The following LRBA variants were observed in gnomAD, a reference collection of about 807,000 sequenced individuals.
The protein encoded by LRBA is lipopolysaccharide-responsive and beige-like anchor protein.
LRBA carries 176 observed loss-of-function variants against 330.0 expected under a neutral mutation model. The ratio of observed to expected loss-of-function variants is 0.53; its 90% confidence interval spans 0.47 to 0.60. The LOEUF is 0.60. Among genes scored for constraint, LRBA ranks in the 20% least tolerant of loss-of-function variants. The pLI is 0.00. For missense variants in LRBA, 3,259 were observed against 3,444.8 expected (o/e 0.95, Z 1.35); for synonymous variants, 1,230 against 1,193.0 (o/e 1.03, Z -0.64).
At chr4:150,733,933 CA>C (rs1222737852) in intron 36 of LRBA, among the ~76,000 whole-genome samples, 1 of 152,136 alleles carries the variant, frequency 6.6e-6, no homozygotes, top group African/African-American at 2.4e-5. Context: ...TAGACCACAG[CA>C]TTAGAAATTT....
intron 40 of LRBA, among the ~76,000 whole-genome samples, chr4:150,496,333 T>C (rs1367574481): frequency 2.0e-5 from 3 of 152,118 alleles, no homozygotes; most frequent in Non-Finnish European, 4.4e-5. Flanking sequence ...TAAAACTCTT[T>C]TTTGTTTTCT....
intron 48 of LRBA, among the ~76,000 whole-genome samples, chr4:150,346,048 T>A (rs1197613044): frequency 4.6e-5 from 7 of 152,138 alleles, no homozygotes; most frequent in Non-Finnish European, 1.0e-4. Context: ...ACTCAAGTGA[T>A]CCTCCTGCCG....
At position 150,831,822 on chromosome 4, in the gene LRBA, A is replaced by G. The variant is rs1246708256; in HGVS notation, c.4724T>C (p.Leu1575Pro). The change falls in exon 29 of 57, where the codon CTC becomes CCC. Residue 1575 changes from leucine (L) to proline (P), a missense_variant. Physicochemically the swap from Leu to Pro is moderately conservative, Grantham distance 98 (BLOSUM62 -3). Transcript: ENST00000651943. ...ETGSENENVS[L>P]SEITPAAFST... is the part of the protein sequence containing the mutation. Reference sequence around the variant, plus strand: ...AATAGAAAATGCAAACTTACCAGAGAGTGATACATTCTCATTTTCACTGCC... The same window carrying G: ...AATAGAAAATGCAAACTTACCAGAGGGTGATACATTCTCATTTTCACTGCC... 6.3e-7 allele frequency: 1 copy of G among 1,590,552 alleles called. No individual in the cohort carries two copies. Among genetic ancestry groups the G allele is most frequent in the Non-Finnish European group, 8.6e-7 (1 of 1,169,032 alleles).
At chr4:150,500,578 CTAAATAAA>C (rs200941206) in intron 40 of LRBA, among the ~76,000 whole-genome samples, 1 of 151,742 alleles carries the variant, frequency 6.6e-6, no homozygotes, top group Non-Finnish European at 1.5e-5. Flanking sequence ...GACTCTGTCT[CTAAATAAA>C]TAAATAAATA....
Position 150,872,731 on chromosome 4 carries a change from C to T in LRBA, c.2190G>A (p.Ser730=), listed in dbSNP as rs770069535. 1.4e-5 allele frequency: 23 copies of T among 1,603,314 alleles called. No homozygotes were observed. Among genetic ancestry groups the T allele is most frequent in the Middle Eastern group, 3.3e-4 (2 of 6,050 alleles). The change falls in exon 18 of 57, where the codon TCG becomes TCA. Residue 730 remains serine, a synonymous_variant. Transcript: ENST00000651943. The part of the protein sequence containing the change: ...GLRVIYKLLA[S]KSEGIRVQAL... ...CTTGTACCCTGATTCCTTCACTTTT[C>T]GATGCCAGAAGTTTGTAGATAACAC...
chr4:150,787,365 A>G (rs1438136263), intron 34 of LRBA, among the ~76,000 whole-genome samples: 4 of 152,218 alleles, frequency 2.6e-5, no homozygotes, highest in African/African-American at 9.6e-5. Context: ...TTAGAATTAT[A>G]TGTGGATCGT....
At chr4:150,854,394 A>G (rs1750975031) in intron 22 of LRBA, among the ~76,000 whole-genome samples, 1 of 152,236 alleles carries the variant, frequency 6.6e-6, no homozygotes, top group Non-Finnish European at 1.5e-5. Flanking sequence ...TTTATTTGAC[A>G]TGGGTTCTGT....
At chr4:150,970,258 G>C (rs11946986) in intron 2 of LRBA, among the ~76,000 whole-genome samples, 5 of 151,984 alleles carry the variant, frequency 3.3e-5, no homozygotes, top group Non-Finnish European at 7.4e-5. Flanking sequence ...CCAGCACTTA[G>C]GGAGGCTGAG....
At chr4:150,953,319 A>G (rs1299117715) in intron 2 of LRBA, among the ~76,000 whole-genome samples, 1 of 151,846 alleles carries the variant, frequency 6.6e-6, no homozygotes. Flanking sequence ...CATCCATAAA[A>G]CAAATCTCAA....
intron 9 of LRBA, among the ~76,000 whole-genome samples, chr4:150,910,398 T>C (rs1050802226): frequency 2.0e-5 from 3 of 152,114 alleles, no homozygotes; most frequent in Non-Finnish European, 2.9e-5. Flanking sequence ...GGATATCCAG[T>C]TTTCCCAACA....
intron 46 of LRBA, among the ~76,000 whole-genome samples, chr4:150,428,161 A>G (rs1326875536): frequency 6.6e-6 from 1 of 152,056 alleles, no homozygotes; most frequent in African/African-American, 2.4e-5. Flanking sequence ...TTATTTTTAA[A>G]ATAATATTTA....
chr4:151,000,300 T>A (rs1439604344), intron 2 of LRBA, among the ~76,000 whole-genome samples: 1 of 152,212 alleles, frequency 6.6e-6, no homozygotes, highest in Non-Finnish European at 1.5e-5. Context: ...TCAAGGAGCA[T>A]CTGTGTAATT....
intron 31 of LRBA, among the ~76,000 whole-genome samples, chr4:150,813,026 A>G (rs1448709843): frequency 6.6e-6 from 1 of 152,046 alleles, no homozygotes. Context: ...GAATGGTGAC[A>G]CACACCTGTA....
intron 37 of LRBA, among the ~76,000 whole-genome samples, chr4:150,612,985 G>A (rs1775421906): frequency 1.3e-5 from 2 of 152,104 alleles, no homozygotes; most frequent in African/African-American, 4.8e-5. Context: ...GACATTTTAG[G>A]CTTTTAGGAG....
intron 53 of LRBA, among the ~76,000 whole-genome samples, chr4:150,294,213 T>C (rs1728687497): frequency 2.0e-5 from 3 of 152,200 alleles, no homozygotes; most frequent in Admixed American, 6.5e-5. Context: ...AAATGTATAT[T>C]TGAAAAATAC....
chr4:150,878,855 T>C (rs1728048576), intron 17 of LRBA, among the ~76,000 whole-genome samples: 1 of 150,266 alleles, frequency 6.7e-6, no homozygotes, highest in Admixed American at 6.6e-5. Flanking sequence ...ATTTTTCTGG[T>C]CCAGGAATTT....
chr4:150,442,213 C>T (rs1304785368), intron 44 of LRBA, among the ~76,000 whole-genome samples: 4 of 152,086 alleles, frequency 2.6e-5, no homozygotes, highest in African/African-American at 9.7e-5. Flanking sequence ...TCACACCTTT[C>T]TGTAAAGGCT....
Position 150,890,891 on chromosome 4 carries a change from G to A in LRBA, c.2165+2161C>T, listed in dbSNP as rs189332666. Reference sequence around the variant, plus strand: ...TTCTTACTAGTTTTTAAATGTCTATGATACTATCTTGCAATTATTTTTTTT... The same window carrying A: ...TTCTTACTAGTTTTTAAATGTCTATAATACTATCTTGCAATTATTTTTTTT... On this transcript the variant is annotated intron_variant, in intron 17 of 56. Coordinates refer to ENST00000651943, the MANE Select transcript of LRBA (RefSeq NM_001364905.1). Among the ~76,000 whole-genome samples the A allele has an allele frequency of 3.9e-5, 6 of 152,026 alleles. No individual in the cohort carries two copies. In the South Asian group the frequency reaches 1.0e-3, roughly 26 times the overall value.
intron 2 of LRBA, among the ~76,000 whole-genome samples, chr4:150,964,204 T>A (rs1488426988): frequency 6.9e-6 from 1 of 144,964 alleles, no homozygotes; most frequent in African/African-American, 2.8e-5. Context: ...ATCTGGGAAG[T>A]GAGAAGCCCC....
Sources: gnomAD v4.1 joint callset for allele counts (sites outside exome capture counted in the v4.1 genomes callset) on GRCh38, gnomAD v4.1.1 for gene constraint, MANE v1.5 for transcripts, NCBI Gene and HGNC (gene_info 2026-07-23, HGNC 2026-07-21) for gene names.